Variants in ANKRD34C observed in about 807,000 individuals in gnomAD.
ANKRD34C encodes ankyrin repeat domain 34C, also known as ankyrin repeat domain-containing protein 34C.
For missense variants in ANKRD34C, 563 were observed against 653.0 expected (o/e 0.86, Z 1.50); for synonymous variants, 260 against 253.6 (o/e 1.03, Z -0.24).
rs891726268 is a variant in ANKRD34C at position 79,293,907 on chromosome 15, A to G, written c.623A>G (p.Asp208Gly). The change falls in exon 2 of 2, where the codon GAC (aspartate) becomes GGC (glycine). Residue 208 changes from aspartate (D) to glycine (G), a missense_variant. By Grantham distance (94) the Asp-to-Gly change is moderately conservative (BLOSUM62 -1). Transcript: ENST00000421388. ...LDSPLTEKED[D>G]FFSLQAGHPS... ...TCTCCACTCACTGAGAAGGAAGATG[A>G]CTTCTTCAGCCTCCAAGCAGGGCAT... 2.6e-5 allele frequency: 40 copies of G among 1,551,500 alleles called. No homozygotes were observed. Among genetic ancestry groups the G allele is most frequent in the Non-Finnish European group, 3.3e-5 (38 of 1,146,972 alleles).
chr15:79,285,795 A>G (rs781333028), intron 1 of ANKRD34C, among the ~76,000 whole-genome samples: 1 of 152,234 alleles, frequency 6.6e-6, no homozygotes, highest in Non-Finnish European at 1.5e-5. Context: ...ACTGTGGGCT[A>G]CATCGGCTGT....
At chr15:79,287,980 C>A (rs534378346) in intron 1 of ANKRD34C, among the ~76,000 whole-genome samples, 2 of 152,292 alleles carry the variant, frequency 1.3e-5, no homozygotes, top group South Asian at 4.1e-4. Context: ...ATAATATAAA[C>A]CATCAGCCTC....
rs2058668451 is a variant in ANKRD34C at position 79,294,758 on chromosome 15, A to G, written c.1474A>G (p.Lys492Glu). 6.4e-7 allele frequency: 1 copy of G among 1,551,746 alleles called. No homozygotes were observed. Among genetic ancestry groups the G allele is most frequent in the Non-Finnish European group, 8.7e-7 (1 of 1,146,994 alleles). Residue 492 changes from lysine to glutamate, a missense_variant, in exon 2 of 2, where the codon AAA becomes GAA. Lys to Glu is a moderately conservative substitution (Grantham distance 56, BLOSUM62 1). Coordinates refer to ENST00000421388, the MANE Select transcript of ANKRD34C (RefSeq NM_001146341.2). ...TTCTTGCTCTCTTGCTAGTGGCTTA[A>G]AATCTATGGTTCCTGTTGCTCCAAG... is the stretch of plus-strand genomic sequence containing the variant. ...KPSCSLASGL[K>E]SMVPVAPSSP...
chr15:79,291,923 C>T (rs1445050877), intron 1 of ANKRD34C, among the ~76,000 whole-genome samples: 1 of 152,196 alleles, frequency 6.6e-6, no homozygotes, highest in Non-Finnish European at 1.5e-5. Context: ...TCTTTATATA[C>T]TTACATGTAG....
At position 79,295,485 on chromosome 15, in the gene ANKRD34C, G is replaced by A. The variant is rs1185644254; in HGVS notation, c.*593G>A. The A allele has an allele frequency of 6.0e-6, 1 of 167,188 alleles. No individual in the cohort carries two copies. The highest frequency in any genetic ancestry group is 2.1e-4 in the South Asian group (1 of 4,824). 10.4% of individuals were successfully genotyped at this position (167,188 alleles called of 1,614,324 possible). A position where few individuals can be genotyped will look rare whatever the true frequency, so the allele number is the denominator to read the frequency against. On this transcript the variant is annotated 3_prime_UTR_variant, in exon 2 of 2. Transcript: ENST00000421388. ...GTTCAGTAATCCAGTAATATATTTT[G>A]TTCACATACTAATTTGTATGTGCTC...
intron 1 of ANKRD34C, 44 bp from the exon 2 acceptor site, chr15:79,293,197 G>T: frequency 7.4e-7 from 1 of 1,347,060 alleles, no homozygotes. Context: ...GCACAGATCT[G>T]TTATAAAACA....
intron 1 of ANKRD34C, among the ~76,000 whole-genome samples, chr15:79,290,746 T>C (rs1018026598): frequency 6.6e-6 from 1 of 152,184 alleles, no homozygotes; most frequent in East Asian, 1.9e-4. Flanking sequence ...CTAGTGTACA[T>C]ACGAGGACGG....
chr15:79,292,542 G>T (rs1007222780), intron 1 of ANKRD34C, among the ~76,000 whole-genome samples: 2 of 152,172 alleles, frequency 1.3e-5, no homozygotes, highest in African/African-American at 4.8e-5. Flanking sequence ...TCTGACATCT[G>T]CTGGAAAAGT....
intron 1 of ANKRD34C, among the ~76,000 whole-genome samples, chr15:79,284,685 G>C (rs902146741): frequency 1.3e-5 from 2 of 152,136 alleles, no homozygotes; most frequent in African/African-American, 4.8e-5. Flanking sequence ...TTTTTAACAG[G>C]ACTTTATAGA....
chr15:79,295,122 A>G lies in ANKRD34C; in HGVS notation c.*230A>G. 1 of 514,872 alleles carries G rather than the reference A, an allele frequency of 1.9e-6. No homozygotes were observed. Among genetic ancestry groups the G allele is most frequent in the Non-Finnish European group, 3.4e-6 (1 of 292,390 alleles). The allele number at this position is 514,872 out of a possible 1,614,324, so 31.9% of individuals were successfully genotyped here. On this transcript the variant is annotated 3_prime_UTR_variant, in exon 2 of 2. Transcript: ENST00000421388. Reference sequence around the variant, plus strand: ...TTTTAAAAATTCTGCAAAGGAAGAAAGCCTTTGGAATTTGAAGGTAACACA... The same window carrying G: ...TTTTAAAAATTCTGCAAAGGAAGAAGGCCTTTGGAATTTGAAGGTAACACA...
chr15:79,293,257 G>A lies in ANKRD34C; in HGVS notation c.-28G>A. ...CTTTGCTAGGTTTGATTGCTACTGT[G>A]GCTCAGGTCCTCTAAACTGTAGCCA... On this transcript the variant is annotated 5_prime_UTR_variant, in exon 2 of 2. Coordinates refer to ENST00000421388, the MANE Select transcript of ANKRD34C (RefSeq NM_001146341.2). 6.8e-7 allele frequency: 1 copy of A among 1,477,110 alleles called. No homozygotes were observed. Among genetic ancestry groups the A allele is most frequent in the Non-Finnish European group, 9.0e-7 (1 of 1,112,958 alleles). 91.5% of individuals were successfully genotyped at this position (1,477,110 alleles called of 1,614,324 possible).
rs774089053 is a variant in ANKRD34C at position 79,295,638 on chromosome 15, G to T, written c.*746G>T. The T allele has an allele frequency of 6.0e-6, 1 of 167,066 alleles. No individual in the cohort carries two copies. The highest frequency in any genetic ancestry group is 1.5e-5 in the Non-Finnish European group (1 of 68,108). 10.3% of individuals were successfully genotyped at this position (167,066 alleles called of 1,614,324 possible). A position where few individuals can be genotyped will look rare whatever the true frequency, so the allele number is the denominator to read the frequency against. ...GACCCGTCCCCTGACACAGGCTCTT[G>T]TATTGAAATCTTGTGAAAAACAGTC... On this transcript the variant is annotated 3_prime_UTR_variant, in exon 2 of 2. Coordinates refer to ENST00000421388, the MANE Select transcript of ANKRD34C (RefSeq NM_001146341.2).
In ANKRD34C at chr15:79,295,080, G is replaced by C; in HGVS notation, c.*188G>C. ...TACTTGAAAAGAGCTCAGGATAATT[G>C]GGTTTTGAAGATAAATTTTTAAAAA... On this transcript the variant is annotated 3_prime_UTR_variant, in exon 2 of 2. Transcript: ENST00000421388. 1.5e-6 allele frequency: 1 copy of C among 646,626 alleles called. No individual in the cohort carries two copies. The highest frequency in any genetic ancestry group is 2.5e-6 in the Non-Finnish European group (1 of 404,256). 40.1% of individuals were successfully genotyped at this position (646,626 alleles called of 1,614,324 possible).
At chr15:79,291,585 CACACACACACACACACAGAGAGAGAG>C (rs1212536365) in intron 1 of ANKRD34C, among the ~76,000 whole-genome samples, 8 of 117,318 alleles carry the variant, frequency 6.8e-5, no homozygotes, top group Admixed American at 1.8e-4. Flanking sequence ...CACACACACA[CACACACACACACACACAGAGAGAGAG>C]AGAGAGAGAG....
intron 1 of ANKRD34C, among the ~76,000 whole-genome samples, chr15:79,292,603 GT>G (rs2058662462): frequency 6.6e-6 from 1 of 152,170 alleles, no homozygotes; most frequent in Admixed American, 6.5e-5. Context: ...TTTTACAGTT[GT>G]TTTCACTGTC....
At chr15:79,289,522 C>T (rs1567015562) in intron 1 of ANKRD34C, among the ~76,000 whole-genome samples, 1 of 152,196 alleles carries the variant, frequency 6.6e-6, no homozygotes, top group Non-Finnish European at 1.5e-5. Context: ...GATTCTCCTA[C>T]ATACGCCATC....
intron 1 of ANKRD34C, among the ~76,000 whole-genome samples, chr15:79,284,811 T>G (rs1183217531): frequency 1.3e-5 from 2 of 152,208 alleles, no homozygotes; most frequent in Non-Finnish European, 2.9e-5. Flanking sequence ...ACTCAGGTAC[T>G]TAGTAGCAGA....
intron 1 of ANKRD34C, among the ~76,000 whole-genome samples, chr15:79,291,229 G>C (rs1314618710): frequency 2.0e-5 from 3 of 152,140 alleles, no homozygotes; most frequent in African/African-American, 7.2e-5. Flanking sequence ...CATGAACAGT[G>C]CCAAGAGGAA....
chr15:79,286,194 C>G (rs2058644245), intron 1 of ANKRD34C, among the ~76,000 whole-genome samples: 1 of 133,618 alleles, frequency 7.5e-6, no homozygotes, highest in Non-Finnish European at 1.5e-5. Flanking sequence ...CAACAGAAAA[C>G]AGACCAGAGA....
Sources: gnomAD v4.1 joint callset for allele counts (sites outside exome capture counted in the v4.1 genomes callset) on GRCh38, gnomAD v4.1.1 for gene constraint, MANE v1.5 for transcripts, NCBI Gene and HGNC (gene_info 2026-07-23, HGNC 2026-07-21) for gene names.